PRRG4: variants seen among roughly 807,000 people sequenced by gnomAD.
PRRG4 encodes transmembrane gamma-carboxyglutamic acid protein 4.
Under a neutral mutation model 20.0 loss-of-function variants are expected in PRRG4, and 12 were observed. The ratio of observed to expected loss-of-function variants is 0.60; its 90% CI spans 0.38 to 0.97. PRRG4 has a LOEUF of 0.97. PRRG4 is among the 50% of genes least tolerant of loss of function. The probability of loss-of-function intolerance (pLI) is 0.00; values close to 1 mark genes in which losing one functional copy is unlikely to be tolerated. For missense variants in PRRG4, 199 were observed against 265.1 expected, an observed-to-expected ratio of 0.75 and a Z score of 1.73; for synonymous variants, 94 against 96.4, an observed-to-expected ratio of 0.98 and a Z score of 0.15.
intron 5 of PRRG4, among the ~76,000 whole-genome samples, chr11:32,844,008 A>G (rs1851103933): frequency 6.6e-6 from 1 of 152,230 alleles, no homozygotes; most frequent in African/African-American, 2.4e-5. Flanking sequence ...ATTCTAAAAT[A>G]TAGTAAGATG....
rs1223221002 is a variant in PRRG4, at chr11:32,840,865, C to T, written c.449+626C>T. ...AAACAGTGTAACTGGCTTTTAAATT[C>T]AACTATTTTTATTAACACTTTAAAT... On this transcript the variant is annotated intron_variant, in intron 5 of 5. Coordinates refer to ENST00000257836, the MANE Select transcript of PRRG4 (RefSeq NM_024081.6). This position sits in a 1 kb window ranked among gnomAD's most constrained non-coding sequence, Gnocchi z 4.1. Among the ~76,000 whole-genome samples, 1 of 152,154 alleles carries T rather than the reference C, an allele frequency of 6.6e-6. No homozygotes were observed. Among genetic ancestry groups the T allele is most frequent in the Non-Finnish European group, 1.5e-5 (1 of 68,030 alleles).
chr11:32,842,455 T>A (rs1486324948), intron 5 of PRRG4, among the ~76,000 whole-genome samples: 3 of 152,196 alleles, frequency 2.0e-5, no homozygotes, highest in Non-Finnish European at 4.4e-5. Flanking sequence ...GAGCAGTGGC[T>A]CACACCTGTA....
intron 2 of PRRG4, among the ~76,000 whole-genome samples, chr11:32,836,332 C>G (rs1851019455): frequency 6.6e-6 from 1 of 151,902 alleles, no homozygotes; most frequent in African/African-American, 2.4e-5. Flanking sequence ...AATAGGGAAC[C>G]AATTCTTTAG....
At chr11:32,831,174 G>T (rs1234154639) in intron 2 of PRRG4, among the ~76,000 whole-genome samples, 1 of 152,100 alleles carries the variant, frequency 6.6e-6, no homozygotes, top group Admixed American at 6.5e-5. Flanking sequence ...TAGGTTTGGG[G>T]CTTGCTAACC....
At chr11:32,852,352 C>T (rs925128404) in intron 5 of PRRG4, among the ~76,000 whole-genome samples, 1 of 152,102 alleles carries the variant, frequency 6.6e-6, no homozygotes, top group Non-Finnish European at 1.5e-5. Context: ...GCGGGTTTGG[C>T]TTCTGAGGAG....
intron 5 of PRRG4, among the ~76,000 whole-genome samples, chr11:32,846,380 G>A (rs984043993): frequency 2.0e-5 from 3 of 152,178 alleles, no homozygotes; most frequent in African/African-American, 7.2e-5. Flanking sequence ...AATTGGAATG[G>A]CAGCCACGAA....
In PRRG4 at chr11:32,849,291, T is replaced by C. The variant is rs548228320; in HGVS notation, c.450-4005T>C. 9.4e-4 allele frequency among the ~76,000 whole-genome samples: 142 copies of C among 151,618 alleles called. 5 individuals are homozygous for C. In the South Asian group the frequency reaches 0.026, roughly 28 times the overall value. ...GCGAGAATTGATTGAGCCGGGGAGA[T>C]TGAAGTTGCAGTGAGCCAAGATCAC... On this transcript the variant is annotated intron_variant, in intron 5 of 5. Coordinates refer to ENST00000257836, the MANE Select transcript of PRRG4 (RefSeq NM_024081.6).
intron 5 of PRRG4, among the ~76,000 whole-genome samples, chr11:32,842,300 G>T (rs1405007268): frequency 1.3e-5 from 2 of 152,100 alleles, no homozygotes; most frequent in Non-Finnish European, 2.9e-5. Flanking sequence ...ATCTAAAAGA[G>T]GAATGAAAGG....
At chr11:32,842,820 T>G (rs1478062663) in intron 5 of PRRG4, among the ~76,000 whole-genome samples, 1 of 152,182 alleles carries the variant, frequency 6.6e-6, no homozygotes, top group Non-Finnish European at 1.5e-5. Flanking sequence ...TCCTCTAAAA[T>G]TTAATAAAAA....
chr11:32,830,210 G>T (rs1007958847), intron 1 of PRRG4, 37 bp downstream of exon 1: 2 of 1,083,652 alleles, frequency 1.8e-6, no homozygotes, highest in African/African-American at 1.6e-5. Flanking sequence ...GCGGGGAGGG[G>T]GTTACCTGGA....
chr11:32,853,215 A>G (rs1851199309), intron 5 of PRRG4, 81 bp from the exon 6 acceptor site: 2 of 888,418 alleles, frequency 2.3e-6, no homozygotes, highest in African/African-American at 1.7e-5. Context: ...TTATTAAGAT[A>G]GTTGGTTGGA....
chr11:32,844,479 T>C (rs1590674443), intron 5 of PRRG4, among the ~76,000 whole-genome samples: 1 of 17,614 alleles, frequency 5.7e-5, no homozygotes, highest in Non-Finnish European at 1.1e-4. Context: ...ATTATTATTA[T>C]TATTATTATT....
chr11:32,850,136 A>G (rs1851168487), intron 5 of PRRG4, among the ~76,000 whole-genome samples: 1 of 152,214 alleles, frequency 6.6e-6, no homozygotes, highest in Admixed American at 6.5e-5. Context: ...GTTTTTCAAA[A>G]AAGTTCACGT....
chr11:32,850,627 C>A (rs1224608679), intron 5 of PRRG4, among the ~76,000 whole-genome samples: 1 of 152,170 alleles, frequency 6.6e-6, no homozygotes, highest in Non-Finnish European at 1.5e-5. Context: ...AAGTACTTTT[C>A]ATCTATTGTC....
intron 5 of PRRG4, among the ~76,000 whole-genome samples, chr11:32,841,665 C>A (rs536276881): frequency 6.6e-6 from 1 of 151,986 alleles, no homozygotes; most frequent in South Asian, 2.1e-4. Flanking sequence ...CAAAAATTAG[C>A]TGGGCACGGT....
chr11:32,839,166 T>C (rs1234546098), intron 4 of PRRG4, among the ~76,000 whole-genome samples: 1 of 152,256 alleles, frequency 6.6e-6, no homozygotes, highest in Non-Finnish European at 1.5e-5. Context: ...GGCTTAAAGC[T>C]GTTTTAAACA....
chr11:32,855,179 T>C lies in PRRG4; in HGVS notation c.*1652T>C, dbSNP rs555743090. ...AAACACCATAATCATATAAACCCAT[T>C]CTTTGTCTCTTCTTCTAAATCATAT... On this transcript the variant is annotated 3_prime_UTR_variant, in exon 6 of 6. Transcript: ENST00000257836. The C allele has an allele frequency of 6.6e-6, 1 of 152,290 alleles. No individual in the cohort carries two copies. The highest frequency in any genetic ancestry group is 1.5e-5 in the Non-Finnish European group (1 of 68,016). 9.4% of individuals were successfully genotyped at this position (152,290 alleles called of 1,614,324 possible).
At position 32,830,120 on chromosome 11, in the gene PRRG4, C is replaced by A; in HGVS notation, c.-76C>A. ...AGGGCCTGGCGGCCGAAGGAACCGC[C>A]CCAAGAAGAGCCTCTGGCCCGGGGG... On this transcript the variant is annotated 5_prime_UTR_variant, in exon 1 of 6. Transcript: ENST00000257836. The A allele has an allele frequency of 1.0e-6, 1 of 996,452 alleles. No individual in the cohort carries two copies. The highest frequency in any genetic ancestry group is 1.2e-6 in the Non-Finnish European group (1 of 837,710). 61.7% of individuals were successfully genotyped at this position (996,452 alleles called of 1,614,324 possible). A position where few individuals can be genotyped will look rare whatever the true frequency, so the allele number is the denominator to read the frequency against.
In PRRG4 at chr11:32,830,545, G is replaced by A. The variant is rs754003985; in HGVS notation, c.16G>A (p.Val6Ile). MFTLL[V>I]LLSQLPTVTL... ...TTGCCAGACTATGTTTACGCTTCTG[G>A]TTCTACTCAGCCAACTGCCCACAGT... is the stretch of plus-strand genomic sequence containing the variant. The change falls in exon 2 of 6, where the codon GTT (valine) becomes ATT (isoleucine). Residue 6 changes from valine (V) to isoleucine (I), a missense_variant. Transcript: ENST00000257836. 5.0e-6 allele frequency: 8 copies of A among 1,594,304 alleles called. No individual in the cohort carries two copies. The highest frequency in any genetic ancestry group is 6.8e-6 in the Non-Finnish European group (8 of 1,174,366).
Sources: gnomAD v4.1 joint callset for allele counts (sites outside exome capture counted in the v4.1 genomes callset) on GRCh38, gnomAD v4.1.1 for gene constraint, Gnocchi (gnomAD v3.1) non-coding constraint, MANE v1.5 for transcripts, NCBI Gene and HGNC (gene_info 2026-07-23, HGNC 2026-07-21) for gene names.